The following SARS1 variants were observed in gnomAD, a reference collection of about 807,000 sequenced individuals.
The protein encoded by SARS1 is seryl-tRNA synthetase 1.
A neutral mutation model predicts 63.7 loss-of-function variants in SARS1; 25 were observed. The observed-to-expected ratio is 0.39, with a 90% CI of 0.29 to 0.55. The LOEUF is 0.55. Among genes scored for constraint, SARS1 ranks in the 20% least tolerant of loss-of-function variants. The pLI is 0.62. For synonymous variants in SARS1, 231 were observed against 243.5 expected, an observed-to-expected ratio of 0.95 and a Z score of 0.48; for missense variants, 417 against 649.7, an observed-to-expected ratio of 0.64 and a Z score of 3.89.
Position 109,237,987 on chromosome 1 carries a change from G to T in SARS1, c.*99G>T, listed in dbSNP as rs573826176. On this transcript the variant is annotated 3_prime_UTR_variant, in exon 11 of 11. Coordinates refer to ENST00000234677, the MANE Select transcript of SARS1 (RefSeq NM_006513.4). This position sits in a 1 kb window ranked among gnomAD's most constrained non-coding sequence, Gnocchi z 4.1. ...AAGCCAAGCACCCATTCATCCCCCTGCCCCCATCTGACTGCGTAGCTGAGA... is the reference window on the plus strand; with the variant it reads ...AAGCCAAGCACCCATTCATCCCCCTTCCCCCATCTGACTGCGTAGCTGAGA... The T allele has an allele frequency of 4.4e-6, 6 of 1,351,602 alleles. No individual in the cohort carries two copies. Among genetic ancestry groups the T allele is most frequent in the South Asian group, 4.0e-5 (3 of 74,468 alleles). The allele number at this position is 1,351,602 out of a possible 1,614,324, so 83.7% of individuals were successfully genotyped here.
At chr1:109,217,516 C>T (rs1048925844) in intron 1 of SARS1, among the ~76,000 whole-genome samples, 4 of 149,748 alleles carry the variant, frequency 2.7e-5, no homozygotes, top group African/African-American at 9.8e-5. Context: ...TTTATTTAAC[C>T]TAGTCTTGTA....
At position 109,214,545 on chromosome 1, in the gene SARS1, A is replaced by G. The variant is rs941920250; in HGVS notation, c.136+417A>G. The G allele has an allele frequency of 1.0e-6, 1 of 997,336 alleles. No individual in the cohort carries two copies. Among genetic ancestry groups the G allele is most frequent in the Non-Finnish European group, 1.2e-6 (1 of 836,578 alleles). The allele number at this position is 997,336 out of a possible 1,614,324, so 61.8% of individuals were successfully genotyped here. The stretch of plus-strand genomic sequence containing the variant: ...CAGAGTGGTTTTCCTTTGTTTTGAT[A>G]GGATCAAAGGCTTCTCCTGAGACTG... On this transcript the variant is annotated intron_variant, in intron 1 of 10. Transcript: ENST00000234677. This position sits in a 1 kb window ranked among gnomAD's most constrained non-coding sequence, Gnocchi z 4.6.
At chr1:109,230,852 G>A (rs780899258) in intron 4 of SARS1, 26 bp from the exon 5 acceptor site, 5 of 1,573,390 alleles carry the variant, frequency 3.2e-6, no homozygotes, top group Non-Finnish European at 4.3e-6. Flanking sequence ...TGTCTTGTAT[G>A]TCTCTTTCTT....
intron 9 of SARS1, chr1:109,236,821 AT>A (rs1655321146): frequency 6.2e-7 from 1 of 1,600,512 alleles, no homozygotes; most frequent in Admixed American, 1.7e-5. Flanking sequence ...AATAATCTCC[AT>A]TTATCTACAC....
intron 8 of SARS1, 31 bp from the exon 9 acceptor site, chr1:109,236,360 C>T (rs1210544331): frequency 1.9e-6 from 3 of 1,572,026 alleles, no homozygotes; most frequent in African/African-American, 1.4e-5. Flanking sequence ...ACCATCCCTC[C>T]TTCATGAATT....
intron 1 of SARS1, chr1:109,216,082 A>C: frequency 1.0e-6 from 1 of 985,230 alleles, no homozygotes; most frequent in Non-Finnish European, 1.2e-6. Context: ...TTTGCATCCA[A>C]ATGGAATTTA....
chr1:109,229,480 G>A lies in SARS1; in HGVS notation c.355G>A (p.Ala119Thr), dbSNP rs368516440. The A allele has an allele frequency of 2.0e-5, 33 of 1,614,218 alleles. No homozygotes were observed. Among genetic ancestry groups the A allele is most frequent in the Admixed American group, 1.8e-4 (11 of 60,030 alleles). ...LIDEAILKCD[A>T]ERIKLEAERF... ...TGATGAAGCCATCCTGAAGTGTGAC[G>A]CGGAGCGGATAAAGTTGGAAGCAGA... The change falls in exon 4 of 11, where the codon GCG becomes ACG. Residue 119 changes from alanine (A) to threonine (T), a missense_variant. By Grantham distance (58) the Ala-to-Thr change is moderately conservative (BLOSUM62 0). Coordinates refer to ENST00000234677, the MANE Select transcript of SARS1 (RefSeq NM_006513.4).
In SARS1 at chr1:109,214,197, C is replaced by G. The variant is rs1654732147; in HGVS notation, c.136+69C>G. On this transcript the variant is annotated intron_variant, in intron 1 of 10. Coordinates refer to ENST00000234677, the MANE Select transcript of SARS1 (RefSeq NM_006513.4). The surrounding 1 kb of genome is among the most constrained non-coding windows in gnomAD (Gnocchi z 4.6). ...AATTTTCTCTCTCAAATCCAGCCAC[C>G]GCTCCTGAGGCCACAGCTTCCACCC... The G allele has an allele frequency of 1.9e-6, 3 of 1,543,854 alleles. No individual in the cohort carries two copies. In the Admixed American group the frequency reaches 5.4e-5, roughly 28 times the overall value.
At chr1:109,223,887 T>C (rs964148427) in intron 1 of SARS1, 91 bp from the exon 2 acceptor site, 1 of 953,206 alleles carries the variant, frequency 1.0e-6, no homozygotes, top group Non-Finnish European at 1.7e-6. Context: ...GGCCTTAACC[T>C]GAAATCAGTA....
At chr1:109,215,855 C>T (rs1051324853) in intron 1 of SARS1, 2 of 309,224 alleles carry the variant, frequency 6.5e-6, no homozygotes, top group East Asian at 1.7e-4. Flanking sequence ...CAGGTGTGCA[C>T]CACCACACCC....
intron 2 of SARS1, among the ~76,000 whole-genome samples, chr1:109,226,680 AT>A (rs1245022717): frequency 2.4e-4 from 7 of 28,768 alleles, no homozygotes; most frequent in African/African-American, 6.4e-4. Context: ...AAAAAAAAAT[AT>A]ATATATATAT....
intron 1 of SARS1, among the ~76,000 whole-genome samples, chr1:109,220,921 G>A (rs1654911675): frequency 6.6e-6 from 1 of 151,972 alleles, no homozygotes; most frequent in South Asian, 2.1e-4. Context: ...TGTATTATGT[G>A]AGATAGATCA....
chr1:109,220,768 T>C (rs1654908985), intron 1 of SARS1, among the ~76,000 whole-genome samples: 1 of 152,160 alleles, frequency 6.6e-6, no homozygotes, highest in African/African-American at 2.4e-5. Flanking sequence ...CAAAACACAA[T>C]AGATAAATCA....
intron 2 of SARS1, 36 bp downstream of exon 2, chr1:109,224,084 T>C (rs1320807166): frequency 1.4e-6 from 2 of 1,458,764 alleles, no homozygotes; most frequent in African/African-American, 1.4e-5. Context: ...CATGAGAACT[T>C]GAGCGGAGAT....
intron 3 of SARS1, 149 bp downstream of exon 3, chr1:109,228,581 T>C: frequency 1.7e-6 from 1 of 602,436 alleles, no homozygotes; most frequent in South Asian, 2.1e-5. Flanking sequence ...ATTCTTGTTA[T>C]ATTCTATATT....
At position 109,214,605 on chromosome 1, in the gene SARS1, G is replaced by A; in HGVS notation, c.136+477G>A. The A allele has an allele frequency of 2.0e-6, 2 of 985,910 alleles. No individual in the cohort carries two copies. The highest frequency in any genetic ancestry group is 2.4e-6 in the Non-Finnish European group (2 of 830,246). 61.1% of individuals were successfully genotyped at this position (985,910 alleles called of 1,614,324 possible). On this transcript the variant is annotated intron_variant, in intron 1 of 10. Transcript: ENST00000234677. This position sits in a 1 kb window ranked among gnomAD's most constrained non-coding sequence, Gnocchi z 4.6. The stretch of plus-strand genomic sequence containing the variant: ...TGCAACACAGTAGATTCATTCCTTC[G>A]GTATCGGAAGCATTTCGGGGCGTTG...
chr1:109,229,818 G>A (rs1245158060), intron 4 of SARS1, among the ~76,000 whole-genome samples: 2 of 152,142 alleles, frequency 1.3e-5, no homozygotes, highest in African/African-American at 4.8e-5. Context: ...GCTGTCCTCC[G>A]CTGCATGTTG....
intron 1 of SARS1, chr1:109,217,277 C>A: frequency 2.7e-6 from 1 of 376,670 alleles, no homozygotes; most frequent in Non-Finnish European, 3.7e-6. Context: ...ATAGCTTAGC[C>A]AAGCCTACCT....
chr1:109,226,677 A>AAATATATATATATATAT (rs1178056468), intron 2 of SARS1, among the ~76,000 whole-genome samples: 2 of 44,964 alleles, frequency 4.4e-5, no homozygotes, highest in African/African-American at 1.7e-4. Flanking sequence ...AAAAAAAAAA[A>AAATATATATATATATAT]ATATATATAT....
Sources: gnomAD v4.1 joint callset for allele counts (sites outside exome capture counted in the v4.1 genomes callset) on GRCh38, gnomAD v4.1.1 for gene constraint, Gnocchi (gnomAD v3.1) non-coding constraint, MANE v1.5 for transcripts, NCBI Gene and HGNC (gene_info 2026-07-23, HGNC 2026-07-21) for gene names.